The following MRTFA variants were observed in gnomAD, a reference collection of about 807,000 sequenced individuals.
MRTFA encodes myocardin related transcription factor A, also known as myocardin-related transcription factor A.
Under a neutral mutation model 83.5 loss-of-function variants are expected in MRTFA, and 20 were observed. The observed-to-expected ratio is 0.24, with a 90% CI of 0.17 to 0.35. The LOEUF is 0.35. MRTFA is among the 10% of genes least tolerant of loss of function. The pLI, the probability that MRTFA is intolerant of heterozygous loss-of-function variation, is 1.00. For synonymous variants in MRTFA, 659 were observed against 541.2 expected (o/e 1.22, Z -3.02); for missense variants, 1,200 against 1,224.7 (o/e 0.98, Z 0.30).
At chr22:40,517,563 A>G (rs1265217441) in intron 3 of MRTFA, among the ~76,000 whole-genome samples, 2 of 152,184 alleles carry the variant, frequency 1.3e-5, no homozygotes, top group Non-Finnish European at 2.9e-5. Flanking sequence ...TGCAAAGAAT[A>G]AGAGTTAATA....
rs927288371 is a variant in MRTFA, at chr22:40,416,788, A to T, written c.2578+198T>A. Among the ~76,000 whole-genome samples the T allele has an allele frequency of 6.6e-6, 1 of 152,232 alleles. No homozygotes were observed. Among genetic ancestry groups the T allele is most frequent in the Non-Finnish European group, 1.5e-5 (1 of 68,038 alleles). The stretch of plus-strand genomic sequence containing the variant: ...GCGAGGGCCTTGGGGCAGTGCTTCC[A>T]GCTGAAGGACGGCACCTTCCCTGGT... On this transcript the variant is annotated intron_variant, in intron 14 of 14. Transcript: ENST00000355630. The surrounding 1 kb of genome is among the most constrained non-coding windows in gnomAD (Gnocchi z 4.2).
At chr22:40,609,011 A>C (rs2056352318) in intron 1 of MRTFA, among the ~76,000 whole-genome samples, 1 of 152,174 alleles carries the variant, frequency 6.6e-6, no homozygotes, top group Non-Finnish European at 1.5e-5. Context: ...AATTACATTT[A>C]GTTGGGCATG....
chr22:40,420,392 A>G lies in MRTFA; in HGVS notation c.1353+13T>C, dbSNP rs1483344027. 8 of 1,607,716 alleles carry G rather than the reference A, an allele frequency of 5.0e-6. No homozygotes were observed. Among genetic ancestry groups the G allele is most frequent in the Non-Finnish European group, 6.8e-6 (8 of 1,176,676 alleles). ...AGGCTGGCAGTGGCTCAAGTTTTCC[A>G]GTGGCCATGTACCTTCATGTCGTCC... On this transcript the variant is annotated intron_variant, in intron 11 of 14. Transcript: ENST00000355630.
intron 2 of MRTFA, among the ~76,000 whole-genome samples, chr22:40,563,153 A>G (rs1159255962): frequency 6.6e-6 from 1 of 151,584 alleles, no homozygotes; most frequent in African/African-American, 2.4e-5. Flanking sequence ...CTTTATTCAC[A>G]CTCTAATCAC....
chr22:40,468,307 G>T (rs1278809584), intron 3 of MRTFA, among the ~76,000 whole-genome samples: 1 of 152,188 alleles, frequency 6.6e-6, no homozygotes, highest in Non-Finnish European at 1.5e-5. Context: ...TCACTGGAAA[G>T]GAAACATGCA....
rs60128263 is a variant in MRTFA at position 40,491,071 on chromosome 22, G to A, written c.242-27785C>T. Among the ~76,000 whole-genome samples the A allele has an allele frequency of 7.2e-3, 1,098 of 152,236 alleles. 13 individuals carry two copies. The highest frequency in any genetic ancestry group is 0.025 in the African/African-American group (1,049 of 41,522). ...TAAGACTATGAAAGAAGCCGAGCACGGTGGCTCACACCTGTAATCCCAGCA... is the reference window on the plus strand; with the variant it reads ...TAAGACTATGAAAGAAGCCGAGCACAGTGGCTCACACCTGTAATCCCAGCA... On this transcript the variant is annotated intron_variant, in intron 3 of 14. Transcript: ENST00000355630.
intron 1 of MRTFA, among the ~76,000 whole-genome samples, chr22:40,606,600 T>G (rs1227394546): frequency 6.6e-6 from 1 of 152,246 alleles, no homozygotes; most frequent in Non-Finnish European, 1.5e-5. Context: ...ATAGAAATTC[T>G]TCCACATGAC....
intron 3 of MRTFA, among the ~76,000 whole-genome samples, chr22:40,525,954 G>A (rs2054963665): frequency 1.3e-5 from 2 of 151,394 alleles, no homozygotes; most frequent in South Asian, 4.2e-4. Flanking sequence ...TGGTATGAAG[G>A]AAAATAAAAG....
intron 3 of MRTFA, among the ~76,000 whole-genome samples, chr22:40,491,070 C>T (rs56135013): frequency 0.082 from 12,455 of 152,130 alleles, 787 homozygotes; most frequent in East Asian, 0.24. Context: ...AAGCCGAGCA[C>T]GGTGGCTCAC....
intron 3 of MRTFA, among the ~76,000 whole-genome samples, chr22:40,485,723 G>C (rs1028697853): frequency 6.6e-6 from 1 of 152,152 alleles, no homozygotes; most frequent in Non-Finnish European, 1.5e-5. Flanking sequence ...GAGTAGGGAG[G>C]AGAACTGCGG....
chr22:40,455,848 T>TATGTATGTATG (rs1403206532), intron 4 of MRTFA, among the ~76,000 whole-genome samples: 1 of 91,478 alleles, frequency 1.1e-5, no homozygotes. Context: ...ATGTATGTAT[T>TATGTATGTATG]TATGAGATGA....
intron 1 of MRTFA, among the ~76,000 whole-genome samples, chr22:40,634,584 C>A (rs922442090): frequency 6.6e-6 from 1 of 152,112 alleles, no homozygotes; most frequent in African/African-American, 2.4e-5. Context: ...TCATTTTTTG[C>A]CTCTCCCACT....
At chr22:40,426,205 T>C (rs537116622) in intron 7 of MRTFA, among the ~76,000 whole-genome samples, 6 of 152,222 alleles carry the variant, frequency 3.9e-5, no homozygotes, top group Admixed American at 3.9e-4. Flanking sequence ...GCCCGCTTCC[T>C]TCCCACTCAT....
At chr22:40,617,177 G>A (rs1395068200) in intron 1 of MRTFA, among the ~76,000 whole-genome samples, 1 of 109,398 alleles carries the variant, frequency 9.1e-6, no homozygotes, top group Admixed American at 9.2e-5. Context: ...AAGGAGGGAA[G>A]GAGGGAAGGA....
At chr22:40,579,372 A>C (rs1412415166) in intron 2 of MRTFA, among the ~76,000 whole-genome samples, 1 of 152,184 alleles carries the variant, frequency 6.6e-6, no homozygotes, top group Non-Finnish European at 1.5e-5. Context: ...ACACTTTCTT[A>C]TTATACACAG....
chr22:40,432,119 G>A (rs547045523), intron 5 of MRTFA, among the ~76,000 whole-genome samples: 5 of 152,182 alleles, frequency 3.3e-5, no homozygotes, highest in South Asian at 2.1e-4. Context: ...GGTGGCTGGC[G>A]CCTGTAATCC....
At position 40,421,150 on chromosome 22, in the gene MRTFA, C is replaced by T. The variant is rs138144651; in HGVS notation, c.928-50G>A. ...CATTCAGGGGCAGCCTCAGGCTTCT[C>T]GGGGTGGGGCTGGCAACTCTCCCCA... On this transcript the variant is annotated intron_variant, in intron 9 of 14. Transcript: ENST00000355630. The T allele has an allele frequency of 2.5e-4, 373 of 1,501,580 alleles. 2 individuals are homozygous for T. The African/African-American group carries it at 4.3e-3, about 17-fold the overall frequency. The allele number at this position is 1,501,580 out of a possible 1,614,324, so 93.0% of individuals were successfully genotyped here.
intron 3 of MRTFA, among the ~76,000 whole-genome samples, chr22:40,464,737 C>T (rs1002644056): frequency 3.3e-5 from 5 of 152,120 alleles, no homozygotes; most frequent in African/African-American, 1.2e-4. Flanking sequence ...CATAACCATG[C>T]GCCTGCCTAC....
chr22:40,504,705 T>G (rs550594614), intron 3 of MRTFA, among the ~76,000 whole-genome samples: 2 of 152,180 alleles, frequency 1.3e-5, no homozygotes, highest in African/African-American at 4.8e-5. Flanking sequence ...TGAAGAGGAT[T>G]TGATCAGAAT....
Sources: allele counts gnomAD v4.1 joint callset (sites outside exome capture counted in the v4.1 genomes callset), GRCh38; gene constraint gnomAD v4.1.1; non-coding constraint Gnocchi (gnomAD v3.1); transcripts MANE v1.5; gene names NCBI Gene and HGNC (gene_info 2026-07-23, HGNC 2026-07-21).